The following NKAIN2 variants were observed in gnomAD, a reference collection of about 807,000 sequenced individuals.
NKAIN2 encodes sodium/potassium-transporting ATPase subunit beta-1-interacting protein 2.
A neutral mutation model predicts 32.6 loss-of-function variants in NKAIN2; 14 were observed. The observed-to-expected ratio is 0.43, with a 90% CI of 0.28 to 0.67. NKAIN2 has a LOEUF of 0.67. NKAIN2 is among the 30% of genes least tolerant of loss of function. The pLI is 0.17. For missense variants in NKAIN2, 198 were observed against 258.3 expected (o/e 0.77, Z 1.60); for synonymous variants, 80 against 87.2 (o/e 0.92, Z 0.46).
chr6:124,425,053 A>T (rs1187114830), intron 3 of NKAIN2, among the ~76,000 whole-genome samples: 1 of 152,164 alleles, frequency 6.6e-6, no homozygotes. Flanking sequence ...CTATACATAT[A>T]TGGCCAGCTA....
At position 124,180,697 on chromosome 6, in the gene NKAIN2, C is replaced by T. The variant is rs1789399303; in HGVS notation, c.55-102308C>T. On this transcript the variant is annotated intron_variant, in intron 1 of 6. Coordinates refer to ENST00000368417, the MANE Select transcript of NKAIN2 (RefSeq NM_001040214.3). ...TCTGAGACAAGGCAAGTCCTTTCTA[C>T]CTATGAGCCTGTAAAATCAAAAGCA... Among the ~76,000 whole-genome samples the T allele has an allele frequency of 2.6e-5, 4 of 152,314 alleles. No individual in the cohort carries two copies. In the South Asian group the frequency reaches 8.3e-4, roughly 32 times the overall value.
At chr6:124,341,838 G>T (rs1446497169) in intron 2 of NKAIN2, among the ~76,000 whole-genome samples, 1 of 152,160 alleles carries the variant, frequency 6.6e-6, no homozygotes, top group Non-Finnish European at 1.5e-5. Flanking sequence ...AACAGGATTT[G>T]TGAATTAGAA....
chr6:124,409,747 G>C (rs1774064392), intron 3 of NKAIN2, among the ~76,000 whole-genome samples: 1 of 152,138 alleles, frequency 6.6e-6, no homozygotes, highest in Non-Finnish European at 1.5e-5. Context: ...TCTATTGATT[G>C]GAATAGTTTC....
intron 1 of NKAIN2, among the ~76,000 whole-genome samples, chr6:124,150,215 T>C (rs1400796727): frequency 6.6e-6 from 1 of 152,166 alleles, no homozygotes; most frequent in Non-Finnish European, 1.5e-5. Flanking sequence ...TTTTTCAAAA[T>C]TGTTTTGGCT....
intron 1 of NKAIN2, among the ~76,000 whole-genome samples, chr6:123,853,099 A>C (rs1263863152): frequency 2.0e-5 from 3 of 152,206 alleles, no homozygotes; most frequent in South Asian, 4.1e-4. Context: ...TGTGTGCCAC[A>C]GAGTACAGTA....
At chr6:123,836,695 G>A (rs1043345636) in intron 1 of NKAIN2, among the ~76,000 whole-genome samples, 2 of 151,918 alleles carry the variant, frequency 1.3e-5, no homozygotes, top group African/African-American at 4.8e-5. Context: ...AATTATGTCT[G>A]TAGTTTAGTT....
chr6:123,975,296 C>G (rs1009221308), intron 1 of NKAIN2, among the ~76,000 whole-genome samples: 1 of 152,012 alleles, frequency 6.6e-6, no homozygotes, highest in Middle Eastern at 3.4e-3. Context: ...TTTTATTTTC[C>G]TTTTTCCACT....
intron 3 of NKAIN2, among the ~76,000 whole-genome samples, chr6:124,652,284 G>T (rs867719575): frequency 6.6e-6 from 1 of 152,102 alleles, no homozygotes; most frequent in Non-Finnish European, 1.5e-5. Context: ...GGCCTCTACT[G>T]CCCATATTTC....
intron 1 of NKAIN2, among the ~76,000 whole-genome samples, chr6:123,840,257 A>G (rs988272437): frequency 1.3e-5 from 2 of 152,070 alleles, no homozygotes; most frequent in Non-Finnish European, 2.9e-5. Flanking sequence ...TGATTATATA[A>G]TGTTCTAAAA....
chr6:124,809,895 A>T (rs1180811484), intron 5 of NKAIN2, among the ~76,000 whole-genome samples: 1 of 152,238 alleles, frequency 6.6e-6, no homozygotes, highest in Non-Finnish European at 1.5e-5. Context: ...GCTCACCATC[A>T]CTGGCCATCA....
intron 3 of NKAIN2, among the ~76,000 whole-genome samples, chr6:124,508,950 G>A (rs77553475): frequency 0.016 from 2,394 of 152,184 alleles, 58 homozygotes; most frequent in African/African-American, 0.054. Context: ...TTAAGGGTCC[G>A]TCCTGTTCCA....
intron 1 of NKAIN2, among the ~76,000 whole-genome samples, chr6:124,088,611 G>A (rs1169440176): frequency 6.6e-6 from 1 of 151,896 alleles, no homozygotes; most frequent in African/African-American, 2.4e-5. Context: ...TGCTTTCTGT[G>A]GCAAGTAATG....
At chr6:123,824,768 C>CATTATCCAG (rs1774076701) in intron 1 of NKAIN2, among the ~76,000 whole-genome samples, 2 of 151,922 alleles carry the variant, frequency 1.3e-5, no homozygotes, top group Admixed American at 1.3e-4. Context: ...ATTACTATCC[C>CATTATCCAG]ATTATCCAGT....
chr6:123,823,223 C>T (rs1478220287), intron 1 of NKAIN2: 6 of 152,154 alleles, frequency 3.9e-5, no homozygotes, highest in Admixed American at 1.3e-4. Context: ...CATAACAGTA[C>T]GTCCTGGATA....
intron 4 of NKAIN2, among the ~76,000 whole-genome samples, chr6:124,702,076 G>C (rs1405759001): frequency 6.6e-6 from 1 of 151,988 alleles, no homozygotes; most frequent in Non-Finnish European, 1.5e-5. Context: ...GTTTGAAGTT[G>C]GGTTACATTG....
intron 1 of NKAIN2, among the ~76,000 whole-genome samples, chr6:123,971,186 T>G (rs1031613570): frequency 1.3e-5 from 2 of 152,034 alleles, no homozygotes; most frequent in African/African-American, 4.8e-5. Flanking sequence ...TGTAGCAGGA[T>G]CAGAGAGTAC....
chr6:124,109,293 T>A (rs934410232), intron 1 of NKAIN2, among the ~76,000 whole-genome samples: 7 of 152,036 alleles, frequency 4.6e-5, no homozygotes, highest in African/African-American at 1.7e-4. Flanking sequence ...TATTTTATTC[T>A]TTGTGGTGCA....
chr6:124,232,890 A>G (rs2114741686), intron 1 of NKAIN2, among the ~76,000 whole-genome samples: 1 of 152,150 alleles, frequency 6.6e-6, no homozygotes, highest in South Asian at 2.1e-4. Flanking sequence ...AAACCCCCCA[A>G]CCTTGTAAGT....
chr6:123,908,004 A>G (rs1392578418), intron 1 of NKAIN2, among the ~76,000 whole-genome samples: 1 of 152,174 alleles, frequency 6.6e-6, no homozygotes, highest in Non-Finnish European at 1.5e-5. Flanking sequence ...GTATTCATAT[A>G]AACAATATAT....
Sources: allele counts gnomAD v4.1 joint callset (sites outside exome capture counted in the v4.1 genomes callset), GRCh38; gene constraint gnomAD v4.1.1; transcripts MANE v1.5; gene names NCBI Gene and HGNC (gene_info 2026-07-23, HGNC 2026-07-21).